PDE9A: variants seen among roughly 807,000 people sequenced by gnomAD.
PDE9A encodes the protein high affinity cGMP-specific 3',5'-cyclic phosphodiesterase 9A.
In PDE9A, 60 loss-of-function variants were observed where a neutral mutation model predicts 87.4. The ratio of observed to expected loss-of-function variants is 0.69; its 90% confidence interval spans 0.56 to 0.85. The LOEUF (loss-of-function observed/expected upper bound fraction) is 0.85, where lower values mean the gene tolerates loss of function less well. Among genes scored for constraint, PDE9A ranks in the 40% least tolerant of loss-of-function variants. PDE9A has a pLI of 0.00. For synonymous variants in PDE9A, 272 were observed against 279.4 expected, an observed-to-expected ratio of 0.97 and a Z score of 0.27; for missense variants, 665 against 779.0, an observed-to-expected ratio of 0.85 and a Z score of 1.74.
chr21:42,702,509 C>T lies in PDE9A; in HGVS notation c.262+3498C>T, dbSNP rs1445978168. ...GTATGGGTCATATTTTTCTGATTCT[C>T]GTGAATCTAGTAGATCTTGATGGAA... is the stretch of plus-strand genomic sequence containing the variant. On this transcript the variant is annotated intron_variant, in intron 4 of 19. Transcript: ENST00000291539. The surrounding 1 kb of genome is among the most constrained non-coding windows in gnomAD (Gnocchi z 4.9). Among the ~76,000 whole-genome samples, 5 of 152,224 alleles carry T rather than the reference C, an allele frequency of 3.3e-5. No homozygotes were observed. The highest frequency in any genetic ancestry group is 1.2e-4 in the African/African-American group (5 of 41,534).
chr21:42,686,590 A>G (rs563720995), intron 2 of PDE9A, among the ~76,000 whole-genome samples: 20 of 152,072 alleles, frequency 1.3e-4, no homozygotes, highest in Admixed American at 4.6e-4. Context: ...CGAGGTGGGC[A>G]GATCACCTGA....
chr21:42,726,925 C>T (rs562743485), intron 4 of PDE9A, among the ~76,000 whole-genome samples: 5 of 151,532 alleles, frequency 3.3e-5, no homozygotes, highest in Admixed American at 3.3e-4. Flanking sequence ...GTCTTTCTGC[C>T]AGTACCTCAC....
chr21:42,711,534 GC>G (rs1050248539), intron 4 of PDE9A, among the ~76,000 whole-genome samples: 1 of 151,938 alleles, frequency 6.6e-6, no homozygotes, highest in Admixed American at 6.6e-5. Flanking sequence ...ACCGCACCAG[GC>G]CCCCCAAATT....
intron 3 of PDE9A, among the ~76,000 whole-genome samples, chr21:42,697,958 G>A (rs992247513): frequency 6.6e-6 from 1 of 152,224 alleles, no homozygotes; most frequent in Non-Finnish European, 1.5e-5. Context: ...ACAGCACAGT[G>A]GAGCACGCTC....
chr21:42,654,657 T>G (rs2056914226), intron 1 of PDE9A, among the ~76,000 whole-genome samples: 1 of 152,160 alleles, frequency 6.6e-6, no homozygotes, highest in Admixed American at 6.5e-5. Context: ...CTTCTCACCT[T>G]TCTGCCCACG....
chr21:42,715,904 C>T (rs956054082), intron 4 of PDE9A, among the ~76,000 whole-genome samples: 5 of 151,012 alleles, frequency 3.3e-5, no homozygotes, highest in South Asian at 2.1e-4. Context: ...ACCCCCTGTG[C>T]GCCACCTATT....
At chr21:42,757,202 C>T (rs1350095383) in intron 10 of PDE9A, 1 of 152,288 alleles carries the variant, frequency 6.6e-6, no homozygotes, top group Non-Finnish European at 1.5e-5. Flanking sequence ...CATTATCCAA[C>T]CTACATCTGT....
In PDE9A at chr21:42,775,316, A is replaced by C. The variant is rs750440190; in HGVS notation, c.*23A>C. On this transcript the variant is annotated 3_prime_UTR_variant, in exon 20 of 20. Transcript: ENST00000291539. ...TGAGGAAAGCGGGGGGCGTGGCTGC[A>C]GTTCTGGACGGGCTGGCCGAGCTGC... 1 of 1,608,558 alleles carries C rather than the reference A, an allele frequency of 6.2e-7. No homozygotes were observed. Among genetic ancestry groups the C allele is most frequent in the East Asian group, 2.2e-5 (1 of 44,474 alleles).
Position 42,673,531 on chromosome 21 carries a change from A to G in PDE9A, c.70-12661A>G, listed in dbSNP as rs115384086. ...ACCCTTTTCCTCACAGAATTGTGAT[A>G]CCGTCCTAACATATGAAGCATATAT... On this transcript the variant is annotated intron_variant, in intron 1 of 19. Coordinates refer to ENST00000291539, the MANE Select transcript of PDE9A (RefSeq NM_002606.3). 9.3e-3 allele frequency among the ~76,000 whole-genome samples: 1,410 copies of G among 152,336 alleles called. 31 individuals carry two copies. The highest frequency in any genetic ancestry group is 0.033 in the African/African-American group (1,353 of 41,566).
intron 1 of PDE9A, among the ~76,000 whole-genome samples, chr21:42,655,532 A>G (rs2056993417): frequency 6.6e-6 from 1 of 152,176 alleles, no homozygotes; most frequent in Non-Finnish European, 1.5e-5. Context: ...GCCCTGGGGA[A>G]GACATGGCAT....
At chr21:42,773,931 T>A (rs536315962) in intron 19 of PDE9A, among the ~76,000 whole-genome samples, 37 of 147,452 alleles carry the variant, frequency 2.5e-4, no homozygotes, top group South Asian at 6.5e-4. Flanking sequence ...GGTGAAACCC[T>A]TCTCTACTAA....
intron 8 of PDE9A, 51 bp from the exon 9 acceptor site, chr21:42,751,065 C>T (rs779215695): frequency 7.4e-6 from 9 of 1,214,352 alleles, no homozygotes; most frequent in Non-Finnish European, 9.8e-6. Context: ...CTGAGGGCTT[C>T]ACCAGACTGA....
At chr21:42,674,282 G>C (rs557336337) in intron 1 of PDE9A, among the ~76,000 whole-genome samples, 1 of 151,238 alleles carries the variant, frequency 6.6e-6, no homozygotes, top group Non-Finnish European at 1.5e-5. Context: ...CTGAGGGCCA[G>C]TAGGAAGTGC....
chr21:42,690,600 T>G (rs2059768413), intron 3 of PDE9A, among the ~76,000 whole-genome samples: 2 of 152,004 alleles, frequency 1.3e-5, no homozygotes, highest in Admixed American at 1.3e-4. Flanking sequence ...TGCCTGCGCC[T>G]CCTGCACCCC....
chr21:42,687,014 A>G (rs1003172777), intron 2 of PDE9A, among the ~76,000 whole-genome samples: 1 of 152,186 alleles, frequency 6.6e-6, no homozygotes, highest in Non-Finnish European at 1.5e-5. Context: ...AAGACCAGTG[A>G]TCTGCCTTAT....
chr21:42,676,565 A>C (rs2058854286), intron 1 of PDE9A, among the ~76,000 whole-genome samples: 2 of 152,202 alleles, frequency 1.3e-5, no homozygotes, highest in African/African-American at 4.8e-5. Context: ...TCCAACTGGC[A>C]TCATTCCCTT....
At chr21:42,669,135 C>A (rs1335728219) in intron 1 of PDE9A, among the ~76,000 whole-genome samples, 2 of 152,142 alleles carry the variant, frequency 1.3e-5, no homozygotes, top group Non-Finnish European at 2.9e-5. Flanking sequence ...CCATAAATGC[C>A]ACAGCTTAAA....
In PDE9A at chr21:42,760,587, T is replaced by C. The variant is rs958493438; in HGVS notation, c.1002+155T>C. ...CTAGGGACGCACCCCTGCCCACCGT[T>C]GTCAGTCACCCCATGGGCGAGGCTG... On this transcript the variant is annotated intron_variant, in intron 12 of 19. Coordinates refer to ENST00000291539, the MANE Select transcript of PDE9A (RefSeq NM_002606.3). The surrounding 1 kb of genome is among the most constrained non-coding windows in gnomAD (Gnocchi z 5.2). Among the ~76,000 whole-genome samples, 1 of 151,726 alleles carries C rather than the reference T, an allele frequency of 6.6e-6. No individual in the cohort carries two copies. Among genetic ancestry groups the C allele is most frequent in the African/African-American group, 2.4e-5 (1 of 41,268 alleles).
intron 1 of PDE9A, among the ~76,000 whole-genome samples, chr21:42,677,730 C>T (rs2058933515): frequency 1.3e-5 from 2 of 152,164 alleles, no homozygotes; most frequent in African/African-American, 4.8e-5. Flanking sequence ...GCAGTCTCCA[C>T]ATCCCGGGTT....
Sources: gnomAD v4.1 joint callset for allele counts (sites outside exome capture counted in the v4.1 genomes callset) on GRCh38, gnomAD v4.1.1 for gene constraint, Gnocchi (gnomAD v3.1) non-coding constraint, MANE v1.5 for transcripts, NCBI Gene and HGNC (gene_info 2026-07-23, HGNC 2026-07-21) for gene names.